MTUS2: variants seen among roughly 807,000 people sequenced by gnomAD.
MTUS2 encodes the protein microtubule associated scaffold protein 2.
Under a neutral mutation model 114.1 loss-of-function variants are expected in MTUS2, and 40 were observed. The ratio of observed to expected loss-of-function variants is 0.35; its 90% CI spans 0.27 to 0.46. MTUS2 has a LOEUF of 0.46. Ranked by LOEUF, MTUS2 falls within the 20% of genes least tolerant of loss-of-function variation. MTUS2 has a pLI of 1.00. For missense variants in MTUS2, 1,679 were observed against 1,705.4 expected (o/e 0.98, Z 0.27); for synonymous variants, 688 against 672.0 (o/e 1.02, Z -0.37).
At chr13:29,422,421 C>T (rs560389715) in intron 8 of MTUS2, among the ~76,000 whole-genome samples, 2 of 152,254 alleles carry the variant, frequency 1.3e-5, no homozygotes, top group South Asian at 2.1e-4. Flanking sequence ...CATCTGTTGT[C>T]GATCAGGTAG....
intron 2 of MTUS2, among the ~76,000 whole-genome samples, chr13:28,881,512 C>G (rs1878287541): frequency 6.6e-6 from 1 of 152,182 alleles, no homozygotes; most frequent in South Asian, 2.1e-4. Flanking sequence ...ATTGCTGGAT[C>G]ATATGGCAGT....
intron 8 of MTUS2, among the ~76,000 whole-genome samples, chr13:29,390,112 CAT>C (rs1469214546): frequency 9.2e-6 from 1 of 108,668 alleles, no homozygotes; most frequent in Non-Finnish European, 2.3e-5. Context: ...TATATATACA[CAT>C]ACACACACAA....
chr13:29,381,840 C>A (rs1273661477), intron 8 of MTUS2, among the ~76,000 whole-genome samples: 5 of 146,366 alleles, frequency 3.4e-5, no homozygotes, highest in African/African-American at 1.4e-4. Flanking sequence ...AGAACCTCTC[C>A]CTATTTTGAT....
intron 5 of MTUS2, among the ~76,000 whole-genome samples, chr13:29,133,815 G>A (rs1891863973): frequency 6.6e-6 from 1 of 152,080 alleles, no homozygotes; most frequent in African/African-American, 2.4e-5. Context: ...TCAATTTGTT[G>A]ATCTTTACAA....
intron 5 of MTUS2, among the ~76,000 whole-genome samples, chr13:29,169,830 A>C (rs995608601): frequency 6.6e-6 from 1 of 152,174 alleles, no homozygotes; most frequent in African/African-American, 2.4e-5. Context: ...GGTAAAGGTG[A>C]TGGCAAGCGA....
intron 4 of MTUS2, among the ~76,000 whole-genome samples, chr13:29,065,409 T>C (rs1888618848): frequency 6.6e-6 from 1 of 152,166 alleles, no homozygotes; most frequent in East Asian, 1.9e-4. Context: ...TCATAGCTTG[T>C]TGACCTCATG....
At chr13:29,446,082 A>G (rs188328043) in intron 9 of MTUS2, among the ~76,000 whole-genome samples, 24 of 152,292 alleles carry the variant, frequency 1.6e-4, no homozygotes, top group Non-Finnish European at 1.6e-4. Context: ...CATCGTTAGC[A>G]TAAACTCAGG....
At chr13:29,461,017 A>G (rs1879450562) in intron 9 of MTUS2, among the ~76,000 whole-genome samples, 1 of 152,072 alleles carries the variant, frequency 6.6e-6, no homozygotes, top group Non-Finnish European at 1.5e-5. Flanking sequence ...TTGTGCTGTT[A>G]TAATAGTGTC....
chr13:29,117,282 C>T (rs138071066), intron 5 of MTUS2, among the ~76,000 whole-genome samples: 3 of 152,240 alleles, frequency 2.0e-5, no homozygotes, highest in East Asian at 1.9e-4. Flanking sequence ...CTGCCTTCTG[C>T]GACCCATGTG....
At chr13:29,298,736 C>A (rs570367706) in intron 6 of MTUS2, among the ~76,000 whole-genome samples, 9 of 152,342 alleles carry the variant, frequency 5.9e-5, no homozygotes, top group African/African-American at 9.6e-5. Flanking sequence ...CTTACTGTAG[C>A]ATATGATATG....
At chr13:29,180,614 A>G (rs4769685) in intron 5 of MTUS2, among the ~76,000 whole-genome samples, 112,403 of 152,030 alleles carry the variant, frequency 0.74, 41,647 homozygotes, top group East Asian at 0.8. Context: ...TTGATTTTCT[A>G]TTTTCTTCAA....
rs578090859 is a variant in MTUS2 at position 28,925,387 on chromosome 13, C to A, written c.-243+85537C>A. On this transcript the variant is annotated intron_variant, in intron 2 of 15. Transcript: ENST00000612955. Reference sequence around the variant, plus strand: ...TGAGTACATGAAAATGAATTTGATGCTAGTAGATATGTGGACATGTAATCA... The same window carrying A: ...TGAGTACATGAAAATGAATTTGATGATAGTAGATATGTGGACATGTAATCA... Among the ~76,000 whole-genome samples, 20 of 152,242 alleles carry A rather than the reference C, an allele frequency of 1.3e-4. No individual in the cohort carries two copies. In the South Asian group the frequency reaches 4.2e-3, roughly 32 times the overall value.
At chr13:29,181,874 T>C (rs1894021451) in intron 5 of MTUS2, among the ~76,000 whole-genome samples, 1 of 151,700 alleles carries the variant, frequency 6.6e-6, no homozygotes, top group Non-Finnish European at 1.5e-5. Context: ...TTCTTGCTGA[T>C]AATAGAAAAT....
At chr13:29,128,378 G>A (rs189767054) in intron 5 of MTUS2, among the ~76,000 whole-genome samples, 93 of 152,274 alleles carry the variant, frequency 6.1e-4, no homozygotes, top group African/African-American at 2.2e-3. Flanking sequence ...AAACCGGTTA[G>A]GAATCGCCCA....
intron 4 of MTUS2, 120 bp from the exon 5 acceptor site, chr13:29,100,653 C>T (rs1275220994): frequency 8.2e-7 from 1 of 1,213,640 alleles, no homozygotes; most frequent in East Asian, 2.6e-5. Context: ...TGAATCAAAC[C>T]TTGCAAGATT....
intron 6 of MTUS2, among the ~76,000 whole-genome samples, chr13:29,318,757 A>G (rs1021227163): frequency 2.0e-5 from 3 of 152,114 alleles, no homozygotes; most frequent in African/African-American, 7.2e-5. Context: ...TCCACGGGAG[A>G]AACTGAGCTT....
chr13:29,176,646 CCT>C (rs948585856), intron 5 of MTUS2, among the ~76,000 whole-genome samples: 3 of 152,206 alleles, frequency 2.0e-5, no homozygotes, highest in African/African-American at 7.2e-5. Flanking sequence ...CTCCCCCAGG[CCT>C]CTTTTATAAG....
chr13:29,142,242 A>G (rs1459616198), intron 5 of MTUS2, among the ~76,000 whole-genome samples: 1 of 152,154 alleles, frequency 6.6e-6, no homozygotes. Flanking sequence ...GTTAAAGTGC[A>G]TTAGAATTAC....
chr13:29,461,834 T>A (rs1879518607), intron 9 of MTUS2, among the ~76,000 whole-genome samples: 1 of 152,176 alleles, frequency 6.6e-6, no homozygotes, highest in African/African-American at 2.4e-5. Flanking sequence ...TTATTTAATA[T>A]TAAAACTTAG....
Sources: gnomAD v4.1 joint callset for allele counts (sites outside exome capture counted in the v4.1 genomes callset) on GRCh38, gnomAD v4.1.1 for gene constraint, MANE v1.5 for transcripts, NCBI Gene and HGNC (gene_info 2026-07-23, HGNC 2026-07-21) for gene names.